Variants in GAS2 observed in about 807,000 individuals in gnomAD.
The protein encoded by GAS2 is growth arrest-specific protein 2.
In GAS2, 20 loss-of-function variants were observed where a neutral mutation model predicts 37.5. The observed-to-expected ratio is 0.53, with a 90% CI of 0.37 to 0.77. The LOEUF (loss-of-function observed/expected upper bound fraction) is 0.77. Among genes scored for constraint, GAS2 ranks in the 30% least tolerant of loss-of-function variants. The pLI is 0.00. For synonymous variants in GAS2, 144 were observed against 132.2 expected, an observed-to-expected ratio of 1.09 and a Z score of -0.61; for missense variants, 336 against 373.4, an observed-to-expected ratio of 0.90 and a Z score of 0.82.
At chr11:22,668,419 C>T (rs185604758) in intron 1 of GAS2, 2 of 152,162 alleles carry the variant, frequency 1.3e-5, no homozygotes, top group Non-Finnish European at 2.9e-5. Context: ...CTGAATGGTC[C>T]CTTACATGGA....
At chr11:22,750,283 G>T (rs35916693) in intron 6 of GAS2, among the ~76,000 whole-genome samples, 12,169 of 152,060 alleles carry the variant, frequency 0.08, 824 homozygotes, top group East Asian at 0.36. Flanking sequence ...GCAGAAAAGA[G>T]CTGGGAAAAT....
chr11:22,649,033 G>A (rs1440779077), intron 1 of GAS2, among the ~76,000 whole-genome samples: 41 of 152,204 alleles, frequency 2.7e-4, no homozygotes, highest in Admixed American at 1.7e-3. Context: ...TGCCCATTCA[G>A]TATGATATTG....
chr11:22,634,533 C>G (rs960552002), intron 1 of GAS2, among the ~76,000 whole-genome samples: 1 of 152,206 alleles, frequency 6.6e-6, no homozygotes, highest in Non-Finnish European at 1.5e-5. Flanking sequence ...TTTTGGGACT[C>G]AAGGCCTGCA....
intron 1 of GAS2, among the ~76,000 whole-genome samples, chr11:22,673,298 G>A (rs1849279488): frequency 6.6e-6 from 1 of 151,948 alleles, no homozygotes; most frequent in Admixed American, 6.6e-5. Flanking sequence ...TAGAGTTTGA[G>A]GTTAACTGGA....
intron 1 of GAS2, among the ~76,000 whole-genome samples, chr11:22,673,966 A>C (rs1199493509): frequency 2.0e-5 from 3 of 152,240 alleles, no homozygotes; most frequent in African/African-American, 7.2e-5. Context: ...AAAGATAAAA[A>C]ACAAGAAAGA....
At chr11:22,662,339 G>A (rs150929581), upstream of GAS2, among the ~76,000 whole-genome samples, 20 of 152,222 alleles carry the variant, frequency 1.3e-4, 1 homozygote, top group East Asian at 3.9e-3. Flanking sequence ...TTTTAACATT[G>A]CTTTTCTATT....
At chr11:22,751,967 A>C (rs542183712) in intron 6 of GAS2, among the ~76,000 whole-genome samples, 1 of 152,130 alleles carries the variant, frequency 6.6e-6, no homozygotes, top group South Asian at 2.1e-4. Flanking sequence ...TTTAAAGTTT[A>C]CCAGAATTTA....
At chr11:22,685,908 A>G in intron 3 of GAS2, 119 bp downstream of exon 3, 1 of 864,288 alleles carries the variant, frequency 1.2e-6, no homozygotes, top group Non-Finnish European at 1.7e-6. Context: ...TATACTAACA[A>G]CAAAGTACAG....
intron 7 of GAS2, among the ~76,000 whole-genome samples, chr11:22,781,726 A>G (rs541891084): frequency 2.2e-4 from 34 of 152,162 alleles, no homozygotes; most frequent in Non-Finnish European, 3.2e-4. Flanking sequence ...GGTGTAACAC[A>G]TTATAAGGTC....
Position 22,758,913 on chromosome 11 carries a change from C to CAA in GAS2, c.723+2973_723+2974dup, listed in dbSNP as rs66871964. Among the ~76,000 whole-genome samples, 27 of 73,310 alleles carry CAA rather than the reference C, an allele frequency of 3.7e-4. 2 individuals carry two copies. In the East Asian group the frequency reaches 6.0e-3, roughly 16 times the overall value. The allele number at this position is 73,310 out of a possible 152,430, so 48.1% of individuals were successfully genotyped here. The stretch of plus-strand genomic sequence containing the variant: ...GGACAACAAGAGCAAAACTCCGTCT[C>CAA]AAAAAAAAAAAAAAGAGAAAGTCAT... On this transcript the variant is annotated intron_variant, in intron 7 of 7. Transcript: ENST00000454584.
chr11:22,790,354 G>A (rs1171979587), intron 7 of GAS2, among the ~76,000 whole-genome samples: 1 of 152,060 alleles, frequency 6.6e-6, no homozygotes, highest in Non-Finnish European at 1.5e-5. Context: ...AAAACTTAAA[G>A]TATAATAAAA....
intron 2 of GAS2, among the ~76,000 whole-genome samples, chr11:22,684,470 G>T (rs1164621535): frequency 6.6e-6 from 1 of 151,512 alleles, no homozygotes; most frequent in African/African-American, 2.4e-5. Flanking sequence ...ATAGAAGGAA[G>T]CTTGAATCTG....
intron 2 of GAS2, among the ~76,000 whole-genome samples, chr11:22,679,401 A>G (rs2133911016): frequency 6.6e-6 from 1 of 152,190 alleles, no homozygotes; most frequent in Non-Finnish European, 1.5e-5. Context: ...CCCTTAGGGT[A>G]TATTAGAACA....
chr11:22,695,485 G>A (rs1449995248), intron 3 of GAS2, among the ~76,000 whole-genome samples: 1 of 152,050 alleles, frequency 6.6e-6, no homozygotes, highest in African/African-American at 2.4e-5. Context: ...TCCTGGGAGG[G>A]TATGCTTGCT....
At chr11:22,723,597 C>G (rs564410966) in intron 3 of GAS2, among the ~76,000 whole-genome samples, 1 of 151,918 alleles carries the variant, frequency 6.6e-6, no homozygotes, top group East Asian at 1.9e-4. Flanking sequence ...GATCATGTAC[C>G]TCATGTCATT....
chr11:22,675,603 T>C lies in GAS2; in HGVS notation c.145+589T>C, dbSNP rs554659336. On this transcript the variant is annotated intron_variant, in intron 2 of 7. Coordinates refer to ENST00000454584, the MANE Select transcript of GAS2 (RefSeq NM_001143830.3). Reference sequence around the variant, plus strand: ...CTCCTGGTAAAGATTCCTCTCCTTTTGTTGCTGTTGTGCTTTCATATTCCC... The same window carrying C: ...CTCCTGGTAAAGATTCCTCTCCTTTCGTTGCTGTTGTGCTTTCATATTCCC... 2.6e-5 allele frequency among the ~76,000 whole-genome samples: 4 copies of C among 152,350 alleles called. No homozygotes were observed. The East Asian group carries it at 7.7e-4, about 29-fold the overall frequency.
intron 7 of GAS2, among the ~76,000 whole-genome samples, chr11:22,786,398 A>T (rs1855819562): frequency 6.6e-6 from 1 of 152,134 alleles, no homozygotes; most frequent in Non-Finnish European, 1.5e-5. Context: ...TCATTACCTA[A>T]CAAGTCCTCC....
At chr11:22,768,942 T>C (rs1321680774) in intron 7 of GAS2, among the ~76,000 whole-genome samples, 1 of 152,226 alleles carries the variant, frequency 6.6e-6, no homozygotes, top group Non-Finnish European at 1.5e-5. Context: ...AACACATTAA[T>C]TTGTCATCAT....
chr11:22,779,108 A>G (rs1330510822), intron 7 of GAS2, among the ~76,000 whole-genome samples: 1 of 151,602 alleles, frequency 6.6e-6, no homozygotes, highest in African/African-American at 2.4e-5. Flanking sequence ...AAAAAAATAG[A>G]ATCAGGGAAT....
Sources: gnomAD v4.1 joint callset for allele counts (sites outside exome capture counted in the v4.1 genomes callset) on GRCh38, gnomAD v4.1.1 for gene constraint, MANE v1.5 for transcripts, NCBI Gene and HGNC (gene_info 2026-07-23, HGNC 2026-07-21) for gene names.